CNTNAP2: variants seen among roughly 807,000 people sequenced by gnomAD.
The protein encoded by CNTNAP2 is contactin-associated protein-like 2.
Under a neutral mutation model 155.2 loss-of-function variants are expected in CNTNAP2, and 98 were observed. The ratio of observed to expected loss-of-function variants is 0.63; its 90% confidence interval spans 0.54 to 0.75. The LOEUF is 0.75. Among genes scored for constraint, CNTNAP2 ranks in the 30% least tolerant of loss-of-function variants. The pLI, the probability that CNTNAP2 is intolerant of heterozygous loss-of-function variation, is 0.00. For synonymous variants in CNTNAP2, 651 were observed against 631.2 expected, an observed-to-expected ratio of 1.03 and a Z score of -0.47; for missense variants, 1,727 against 1,688.1, an observed-to-expected ratio of 1.02 and a Z score of -0.40.
chr7:146,421,544 A>G (rs1279109599), intron 1 of CNTNAP2, among the ~76,000 whole-genome samples: 1 of 152,018 alleles, frequency 6.6e-6, no homozygotes. Flanking sequence ...TAATCTTTTA[A>G]ATGTTTAAAT....
intron 3 of CNTNAP2, among the ~76,000 whole-genome samples, chr7:146,915,031 C>T (rs1015199723): frequency 1.3e-5 from 2 of 152,094 alleles, no homozygotes; most frequent in Admixed American, 6.6e-5. Flanking sequence ...TCTTCTTCCA[C>T]ATGTGGCTTG....
At chr7:148,137,466 C>A (rs1475263798) in intron 16 of CNTNAP2, among the ~76,000 whole-genome samples, 1 of 152,172 alleles carries the variant, frequency 6.6e-6, no homozygotes, top group Non-Finnish European at 1.5e-5. Flanking sequence ...TCGAGACCAG[C>A]CTGGCCAACA....
At chr7:148,323,423 G>A (rs955043577) in intron 21 of CNTNAP2, among the ~76,000 whole-genome samples, 11 of 146,470 alleles carry the variant, frequency 7.5e-5, no homozygotes, top group Non-Finnish European at 1.0e-4. Flanking sequence ...ATTCTAAGAG[G>A]TAGTACACTT....
At chr7:146,882,025 C>T (rs1264845901) in intron 3 of CNTNAP2, among the ~76,000 whole-genome samples, 1 of 151,812 alleles carries the variant, frequency 6.6e-6, no homozygotes, top group Non-Finnish European at 1.5e-5. Flanking sequence ...CCATTTGTAC[C>T]CAATGTTTAG....
intron 1 of CNTNAP2, among the ~76,000 whole-genome samples, chr7:146,243,056 G>T (rs1046036356): frequency 7.9e-6 from 1 of 126,414 alleles, no homozygotes; most frequent in Non-Finnish European, 1.5e-5. Flanking sequence ...GTTTTTGTTT[G>T]TGATTTCTGT....
chr7:147,634,834 C>A (rs1444229004), intron 12 of CNTNAP2, among the ~76,000 whole-genome samples: 1 of 152,078 alleles, frequency 6.6e-6, no homozygotes, highest in Non-Finnish European at 1.5e-5. Flanking sequence ...CAAGCCAGAT[C>A]TCTTACTATG....
chr7:146,509,900 C>T (rs1323141260), intron 1 of CNTNAP2, among the ~76,000 whole-genome samples: 1 of 152,096 alleles, frequency 6.6e-6, no homozygotes, highest in East Asian at 1.9e-4. Context: ...GGGACCTGTC[C>T]ACCACCACCC....
chr7:146,277,607 G>T (rs1384105882), intron 1 of CNTNAP2, among the ~76,000 whole-genome samples: 1 of 152,112 alleles, frequency 6.6e-6, no homozygotes, highest in Non-Finnish European at 1.5e-5. Flanking sequence ...TTTATTTCCT[G>T]CTTATCCATT....
rs147074510 is a variant in CNTNAP2 at position 147,776,444 on chromosome 7, C to T, written c.2099-127121C>T. On this transcript the variant is annotated intron_variant, in intron 13 of 23. Coordinates refer to ENST00000361727, the MANE Select transcript of CNTNAP2 (RefSeq NM_014141.6). ...GCCTGTTTTTCAATGAGAAACTCTG[C>T]ACTGAGATAAATTCTATTCCTGGTG... 2.4e-3 allele frequency among the ~76,000 whole-genome samples: 364 copies of T among 152,268 alleles called. 4 individuals are homozygous for T. The highest frequency in any genetic ancestry group is 8.4e-3 in the African/African-American group (347 of 41,554).
At chr7:147,409,048 CT>C in intron 10 of CNTNAP2, among the ~76,000 whole-genome samples, 1 of 152,110 alleles carries the variant, frequency 6.6e-6, no homozygotes, top group East Asian at 1.9e-4. Flanking sequence ...TAAGAAAAGG[CT>C]TTAATGAAAG....
intron 2 of CNTNAP2, among the ~76,000 whole-genome samples, chr7:146,822,814 C>G (rs1803315695): frequency 6.8e-6 from 1 of 148,148 alleles, no homozygotes; most frequent in Non-Finnish European, 1.5e-5. Context: ...TATACTCATT[C>G]TTCAGCATAT....
intron 16 of CNTNAP2, among the ~76,000 whole-genome samples, chr7:148,142,464 C>G (rs1425222370): frequency 6.6e-6 from 1 of 152,124 alleles, no homozygotes; most frequent in Non-Finnish European, 1.5e-5. Context: ...AATATCTGTT[C>G]TACCAATTAC....
chr7:147,865,990 C>T (rs1799219229), intron 13 of CNTNAP2, among the ~76,000 whole-genome samples: 3 of 152,028 alleles, frequency 2.0e-5, no homozygotes, highest in Admixed American at 1.3e-4. Context: ...GCTCTTGCTT[C>T]TCTAGTTCTT....
chr7:147,369,247 C>A (rs1310382159), intron 9 of CNTNAP2, among the ~76,000 whole-genome samples: 1 of 152,204 alleles, frequency 6.6e-6, no homozygotes, highest in Non-Finnish European at 1.5e-5. Context: ...TTATTTCCAG[C>A]ATCGTATTGG....
intron 1 of CNTNAP2, among the ~76,000 whole-genome samples, chr7:146,517,212 C>T (rs1195981843): frequency 3.3e-5 from 5 of 151,874 alleles, no homozygotes; most frequent in African/African-American, 7.3e-5. Flanking sequence ...ATCAAAGGAA[C>T]GTAGTATATA....
chr7:148,262,507 AG>A (rs1447702360), intron 20 of CNTNAP2, among the ~76,000 whole-genome samples: 1 of 152,050 alleles, frequency 6.6e-6, no homozygotes, highest in Non-Finnish European at 1.5e-5. Flanking sequence ...CTCTGAGAGG[AG>A]AATCTGTTTC....
intron 14 of CNTNAP2, among the ~76,000 whole-genome samples, 171 bp downstream of exon 14, chr7:147,903,892 G>A (rs1799916783): frequency 6.6e-6 from 1 of 152,206 alleles, no homozygotes. Flanking sequence ...AAATATAAAA[G>A]CAGAAAGAGG....
chr7:146,847,835 A>C (rs561430799), intron 3 of CNTNAP2, among the ~76,000 whole-genome samples: 2 of 152,260 alleles, frequency 1.3e-5, no homozygotes, highest in Admixed American at 1.3e-4. Context: ...TTGTGCCTGG[A>C]AAGTTTTTTC....
chr7:146,918,198 G>T (rs1440434663), intron 3 of CNTNAP2, among the ~76,000 whole-genome samples: 1 of 152,120 alleles, frequency 6.6e-6, no homozygotes, highest in African/African-American at 2.4e-5. Flanking sequence ...ATTGAGAGGT[G>T]AGGTATTGTT....
Sources: allele counts gnomAD v4.1 joint callset (sites outside exome capture counted in the v4.1 genomes callset), GRCh38; gene constraint gnomAD v4.1.1; transcripts MANE v1.5; gene names NCBI Gene and HGNC (gene_info 2026-07-23, HGNC 2026-07-21).